Variants in MNS1 observed in about 807,000 individuals in gnomAD.
MNS1 encodes the protein meiosis specific nuclear structural 1.
In MNS1, 63 loss-of-function variants were observed where a neutral mutation model predicts 72.0. The ratio of observed to expected loss-of-function variants is 0.87; its 90% CI spans 0.71 to 1.08. MNS1 has a LOEUF of 1.08. MNS1 is among the 50% of genes least tolerant of loss of function. MNS1 has a pLI of 0.00. For missense variants in MNS1, 604 were observed against 562.4 expected (o/e 1.07, Z -0.75); for synonymous variants, 188 against 172.1 (o/e 1.09, Z -0.72).
At chr15:56,452,502 T>A (rs905798287) in intron 3 of MNS1, among the ~76,000 whole-genome samples, 2 of 149,510 alleles carry the variant, frequency 1.3e-5, no homozygotes. Context: ...ATAATCCATA[T>A]TGTTTTGTTT....
intron 9 of MNS1, 89 bp from the exon 10 acceptor site, chr15:56,429,282 G>C: frequency 1.3e-6 from 1 of 796,666 alleles, no homozygotes; most frequent in Non-Finnish European, 2.0e-6. Context: ...GATTAGTAAA[G>C]TTATCTCCAA....
At chr15:56,456,867 G>A (rs539484783) in intron 2 of MNS1, among the ~76,000 whole-genome samples, 2 of 151,828 alleles carry the variant, frequency 1.3e-5, no homozygotes, top group South Asian at 4.2e-4. Flanking sequence ...AACAATCCTA[G>A]ACATCATGTC....
intron 9 of MNS1, among the ~76,000 whole-genome samples, chr15:56,430,655 C>T (rs1201103861): frequency 1.3e-5 from 2 of 152,152 alleles, no homozygotes; most frequent in African/African-American, 2.4e-5. Context: ...GTGCCTATTA[C>T]TGGTGTTACC....
chr15:56,454,293 A>G (rs2050966825), intron 3 of MNS1, among the ~76,000 whole-genome samples: 1 of 152,174 alleles, frequency 6.6e-6, no homozygotes, highest in Admixed American at 6.5e-5. Flanking sequence ...TGCAATGCAT[A>G]CTAATCATAT....
chr15:56,439,040 C>T (rs924248609), intron 7 of MNS1, among the ~76,000 whole-genome samples: 4 of 151,980 alleles, frequency 2.6e-5, no homozygotes, highest in African/African-American at 7.2e-5. Context: ...AGAAGACATG[C>T]CTGACTATGT....
chr15:56,429,807 A>C (rs529486155), intron 9 of MNS1: 1 of 152,338 alleles, frequency 6.6e-6, no homozygotes, highest in East Asian at 1.9e-4. Flanking sequence ...GTCATTTGGC[A>C]CCATTAGGAC....
At chr15:56,430,673 A>G (rs933756404) in intron 9 of MNS1, among the ~76,000 whole-genome samples, 3 of 152,132 alleles carry the variant, frequency 2.0e-5, no homozygotes, top group Admixed American at 6.5e-5. Context: ...ACCAGTGACA[A>G]TGTTTTCATA....
At chr15:56,464,488 TG>T (rs1249499745) in intron 1 of MNS1, among the ~76,000 whole-genome samples, 5 of 152,126 alleles carry the variant, frequency 3.3e-5, no homozygotes, top group Non-Finnish European at 4.4e-5. Flanking sequence ...CCCAAGGTTC[TG>T]CAGCTAATAA....
chr15:56,438,794 G>C (rs1476992596), intron 7 of MNS1, among the ~76,000 whole-genome samples: 1 of 151,998 alleles, frequency 6.6e-6, no homozygotes, highest in African/African-American at 2.4e-5. Flanking sequence ...AAATTTACAA[G>C]AAAAAATCAA....
chr15:56,451,784 G>A (rs1407427609), intron 3 of MNS1, among the ~76,000 whole-genome samples: 1 of 152,138 alleles, frequency 6.6e-6, no homozygotes, highest in Non-Finnish European at 1.5e-5. Flanking sequence ...ATTGGGACAT[G>A]AACCCATCGT....
rs151291258 is a variant in MNS1, at chr15:56,428,858, G to T, written c.*243C>A. On this transcript the variant is annotated 3_prime_UTR_variant, in exon 10 of 10. Transcript: ENST00000260453. Reference sequence around the variant, plus strand: ...GGTAAATATACTGTCTTGAGGATGGGGATGCAAACAGTGCTCTGTAGTGTT... The same window carrying T: ...GGTAAATATACTGTCTTGAGGATGGTGATGCAAACAGTGCTCTGTAGTGTT... 3 of 432,690 alleles carry T rather than the reference G, an allele frequency of 6.9e-6. No individual in the cohort carries two copies. Among genetic ancestry groups the T allele is most frequent in the Non-Finnish European group, 1.2e-5 (3 of 247,032 alleles). 26.8% of individuals were successfully genotyped at this position (432,690 alleles called of 1,614,324 possible). A position where few individuals can be genotyped will look rare whatever the true frequency, so the allele number is the denominator to read the frequency against.
chr15:56,456,400 T>C lies in MNS1; in HGVS notation c.347A>G (p.Glu116Gly), dbSNP rs2050981922. The change falls in exon 3 of 10, where the codon GAA becomes GGA. Residue 116 changes from glutamate to glycine, a missense_variant. Coordinates refer to ENST00000260453, the MANE Select transcript of MNS1 (RefSeq NM_018365.4). ...KDEKMRQQVR[E>G]NSIELRELEK... ...TTTAGAGAAACCAAGATACCTGTTT[T>C]CTCTTACTTGTTGCCTCATCTTTTC... is the stretch of plus-strand genomic sequence containing the variant. The C allele has an allele frequency of 6.2e-7, 1 of 1,604,290 alleles. No homozygotes were observed. Among genetic ancestry groups the C allele is most frequent in the Non-Finnish European group, 8.5e-7 (1 of 1,177,692 alleles).
In MNS1 at chr15:56,464,259, GAA is replaced by G; in HGVS notation, c.4-14_4-13del. On this transcript the variant is annotated splice_polypyrimidine_tract_variant and intron_variant, in intron 1 of 9. Coordinates refer to ENST00000260453, the MANE Select transcript of MNS1 (RefSeq NM_018365.4). ...CTCCTTTTGGAACCCTACGATGGAAGAAAAAAAAAGATGCATATTTTGATATT... is the reference window on the plus strand; with the variant it reads ...CTCCTTTTGGAACCCTACGATGGAAGAAAAAAAGATGCATATTTTGATATT... The G allele has an allele frequency of 6.7e-7, 1 of 1,501,382 alleles. No individual in the cohort carries two copies. Among genetic ancestry groups the G allele is most frequent in the Non-Finnish European group, 9.0e-7 (1 of 1,111,384 alleles). The allele number at this position is 1,501,382 out of a possible 1,614,324, so 93.0% of individuals were successfully genotyped here. A position where few individuals can be genotyped will look rare whatever the true frequency, so the allele number is the denominator to read the frequency against.
chr15:56,429,762 A>C (rs1234541734), intron 9 of MNS1: 3 of 152,194 alleles, frequency 2.0e-5, no homozygotes, highest in Non-Finnish European at 4.4e-5. Context: ...CTTAAATTGC[A>C]ATCTAAAGAA....
intron 2 of MNS1, among the ~76,000 whole-genome samples, chr15:56,457,731 C>T (rs2050990379): frequency 6.6e-6 from 1 of 151,732 alleles, no homozygotes; most frequent in South Asian, 2.1e-4. Flanking sequence ...AGGAGGACCG[C>T]CGGAGACCAG....
chr15:56,462,550 C>T (rs1025987141), intron 2 of MNS1, among the ~76,000 whole-genome samples: 11 of 152,226 alleles, frequency 7.2e-5, no homozygotes, highest in Admixed American at 3.9e-4. Flanking sequence ...GAAGCAAACA[C>T]GTATATTCAG....
Position 56,444,427 on chromosome 15 carries a change from A to G in MNS1, c.686+17T>C. The G allele has an allele frequency of 6.3e-7, 1 of 1,575,272 alleles. No individual in the cohort carries two copies. Among genetic ancestry groups the G allele is most frequent in the Non-Finnish European group, 8.7e-7 (1 of 1,155,520 alleles). On this transcript the variant is annotated intron_variant, in intron 5 of 9. Transcript: ENST00000260453. ...AAGTAAACATTTAGACATGTAAGAA[A>G]GTTAGGATAAACTTACAACTGATCT...
chr15:56,461,236 AATG>A (rs1418408955), intron 2 of MNS1, among the ~76,000 whole-genome samples: 1 of 152,178 alleles, frequency 6.6e-6, no homozygotes, highest in Admixed American at 6.5e-5. Context: ...AAACACCGAG[AATG>A]ATGTTTTATC....
chr15:56,445,475 A>C (rs2140361674), intron 4 of MNS1, among the ~76,000 whole-genome samples: 1 of 152,192 alleles, frequency 6.6e-6, no homozygotes, highest in East Asian at 1.9e-4. Context: ...ACAGATTAAA[A>C]TATGAATACT....
Sources: gnomAD v4.1 joint callset for allele counts (sites outside exome capture counted in the v4.1 genomes callset) on GRCh38, gnomAD v4.1.1 for gene constraint, MANE v1.5 for transcripts, NCBI Gene and HGNC (gene_info 2026-07-23, HGNC 2026-07-21) for gene names.